The following AHCYL2 variants were observed in gnomAD, a reference collection of about 807,000 sequenced individuals.
The protein encoded by AHCYL2 is adenosylhomocysteinase like 2.
Under a neutral mutation model 81.4 loss-of-function variants are expected in AHCYL2, and 28 were observed. That is an observed-to-expected ratio of 0.34 (90% CI 0.25 to 0.47). The LOEUF is 0.47. Among genes scored for constraint, AHCYL2 ranks in the 20% least tolerant of loss-of-function variants. AHCYL2 has a pLI of 1.00. For missense variants in AHCYL2, 551 were observed against 785.1 expected (o/e 0.70, Z 3.56); for synonymous variants, 272 against 290.2 (o/e 0.94, Z 0.64).
chr7:129,397,791 T>C (rs756340829), intron 5 of AHCYL2, among the ~76,000 whole-genome samples: 5 of 152,248 alleles, frequency 3.3e-5, no homozygotes, highest in African/African-American at 1.2e-4. Context: ...TGGTACTTGA[T>C]GGACAAAAGA....
chr7:129,422,997 T>TC, intron 13 of AHCYL2, 59 bp downstream of exon 13: 1 of 1,414,452 alleles, frequency 7.1e-7, no homozygotes. Context: ...AATACCCAGG[T>TC]CCCCTCCTCC....
At chr7:129,409,639 C>A in intron 11 of AHCYL2, 93 bp downstream of exon 11, 2 of 1,100,388 alleles carry the variant, frequency 1.8e-6, no homozygotes, top group Non-Finnish European at 1.3e-6. Context: ...AAACCAAACT[C>A]TAAAAGCTAG....
chr7:129,296,173 T>G (rs906660729), intron 1 of AHCYL2, among the ~76,000 whole-genome samples: 5 of 152,190 alleles, frequency 3.3e-5, no homozygotes, highest in African/African-American at 1.2e-4. Flanking sequence ...TGATAGTTAC[T>G]TAAAATTCTT....
intron 1 of AHCYL2, among the ~76,000 whole-genome samples, chr7:129,253,475 C>T (rs1278568783): frequency 1.3e-5 from 2 of 152,176 alleles, no homozygotes; most frequent in African/African-American, 2.4e-5. Flanking sequence ...TGTTAAATGA[C>T]GTTGAGCACT....
chr7:129,238,273 A>G (rs1794709908), intron 1 of AHCYL2, among the ~76,000 whole-genome samples: 1 of 152,170 alleles, frequency 6.6e-6, no homozygotes, highest in Non-Finnish European at 1.5e-5. Context: ...ATGGAATAGG[A>G]ATTGTACTAC....
At chr7:129,301,519 A>G (rs1270251985) in intron 1 of AHCYL2, among the ~76,000 whole-genome samples, 1 of 152,124 alleles carries the variant, frequency 6.6e-6, no homozygotes, top group African/African-American at 2.4e-5. Flanking sequence ...TCTTTAATCT[A>G]TTTTTATTTG....
intron 5 of AHCYL2, among the ~76,000 whole-genome samples, chr7:129,397,776 T>A (rs942397313): frequency 6.6e-5 from 10 of 152,330 alleles, no homozygotes; most frequent in African/African-American, 2.4e-4. Flanking sequence ...GATCACAACA[T>A]CCACTGGTAC....
intron 1 of AHCYL2, among the ~76,000 whole-genome samples, chr7:129,343,326 G>C (rs552242836): frequency 2.0e-5 from 3 of 152,054 alleles, no homozygotes; most frequent in Non-Finnish European, 4.4e-5. Context: ...GATGAACTTA[G>C]CATTAATTTT....
chr7:129,386,291 C>T (rs1357228551), intron 2 of AHCYL2, among the ~76,000 whole-genome samples: 10 of 152,140 alleles, frequency 6.6e-5, no homozygotes, highest in African/African-American at 2.4e-4. Context: ...GGCGAAACCC[C>T]GTCTCTACTA....
intron 1 of AHCYL2, among the ~76,000 whole-genome samples, chr7:129,239,559 G>A (rs1207080209): frequency 6.6e-6 from 1 of 151,954 alleles, no homozygotes; most frequent in East Asian, 1.9e-4. Context: ...CAGTCCTCCT[G>A]CCTTAGCCTC....
intron 1 of AHCYL2, among the ~76,000 whole-genome samples, chr7:129,303,221 A>G (rs1033707466): frequency 6.6e-6 from 1 of 151,916 alleles, no homozygotes; most frequent in Non-Finnish European, 1.5e-5. Flanking sequence ...CTGGTCTCGA[A>G]CTCCCAACCT....
chr7:129,370,693 G>A (rs983608613), intron 1 of AHCYL2, among the ~76,000 whole-genome samples: 4 of 152,136 alleles, frequency 2.6e-5, no homozygotes, highest in Admixed American at 6.5e-5. Context: ...GTGAGACTCC[G>A]TCTCAAAACA....
chr7:129,390,858 A>T (rs1471099041), intron 4 of AHCYL2, among the ~76,000 whole-genome samples: 1 of 152,150 alleles, frequency 6.6e-6, no homozygotes, highest in African/African-American at 2.4e-5. Flanking sequence ...AGTGATTCCT[A>T]CCTTACTCTC....
At chr7:129,412,768 T>C (rs1027730533) in intron 11 of AHCYL2, among the ~76,000 whole-genome samples, 3 of 152,222 alleles carry the variant, frequency 2.0e-5, no homozygotes, top group African/African-American at 4.8e-5. Flanking sequence ...TGACTAATGA[T>C]GATGAGCATC....
At chr7:129,383,067 T>C (rs1236421284) in intron 2 of AHCYL2, among the ~76,000 whole-genome samples, 1 of 152,152 alleles carries the variant, frequency 6.6e-6, no homozygotes, top group Non-Finnish European at 1.5e-5. Flanking sequence ...TTCTCATATT[T>C]TATCCAGCTC....
intron 3 of AHCYL2, 23 bp downstream of exon 3, chr7:129,389,222 CCTT>C (rs778706060): frequency 6.2e-7 from 1 of 1,613,488 alleles, no homozygotes; most frequent in South Asian, 1.1e-5. Context: ...AGCACCTTTT[CCTT>C]CTTAACCTAC....
In AHCYL2 at chr7:129,428,351, A is replaced by C. The variant is rs1797445568; in HGVS notation, c.*1306A>C. 6.6e-6 allele frequency: 1 copy of C among 152,138 alleles called. No individual in the cohort carries two copies. The highest frequency in any genetic ancestry group is 1.5e-5 in the Non-Finnish European group (1 of 68,020). 9.4% of individuals were successfully genotyped at this position (152,138 alleles called of 1,614,324 possible). On this transcript the variant is annotated 3_prime_UTR_variant, in exon 17 of 17. Coordinates refer to ENST00000325006, the MANE Select transcript of AHCYL2 (RefSeq NM_015328.4). Reference sequence around the variant, plus strand: ...CTCCAGTGCTACAAAAAGAATTAGTAATGTGGTGTGGGCAGCGTGACATTT... The same window carrying C: ...CTCCAGTGCTACAAAAAGAATTAGTCATGTGGTGTGGGCAGCGTGACATTT...
chr7:129,418,293 A>T (rs1584908624), intron 12 of AHCYL2, among the ~76,000 whole-genome samples: 1 of 151,772 alleles, frequency 6.6e-6, no homozygotes. Context: ...TTATTTATTT[A>T]TTTATTTTTA....
At chr7:129,407,508 A>C (rs2150942847) in intron 10 of AHCYL2, among the ~76,000 whole-genome samples, 1 of 152,290 alleles carries the variant, frequency 6.6e-6, no homozygotes, top group Non-Finnish European at 1.5e-5. Flanking sequence ...ACTGTTCTTA[A>C]AAACTATTGC....
Sources: allele counts gnomAD v4.1 joint callset (sites outside exome capture counted in the v4.1 genomes callset), GRCh38; gene constraint gnomAD v4.1.1; transcripts MANE v1.5; gene names NCBI Gene and HGNC (gene_info 2026-07-23, HGNC 2026-07-21).